PCGF5: variants seen among roughly 807,000 people sequenced by gnomAD.
PCGF5 encodes the protein polycomb group RING finger protein 5.
PCGF5 carries 9 observed loss-of-function variants against 44.3 expected under a neutral mutation model. The ratio of observed to expected loss-of-function variants is 0.20; its 90% CI spans 0.12 to 0.35. The LOEUF (loss-of-function observed/expected upper bound fraction) is 0.35, where lower values mean the gene tolerates loss of function less well. PCGF5 is among the 10% of genes least tolerant of loss of function. The pLI, the probability that PCGF5 is intolerant of heterozygous loss-of-function variation, is 1.00. For missense variants in PCGF5, 146 were observed against 305.3 expected (o/e 0.48, Z 3.89); for synonymous variants, 95 against 102.5 (o/e 0.93, Z 0.44).
chr10:91,280,380 T>C lies in PCGF5; in HGVS notation c.*2064T>C, dbSNP rs935571073. ...ACTTAATGGTCATAAATGAATTTTA[T>C]CTACAAAATCTCTTTAAATTTGGCT... is the stretch of plus-strand genomic sequence containing the variant. On this transcript the variant is annotated 3_prime_UTR_variant, in exon 10 of 10. Coordinates refer to ENST00000336126, the MANE Select transcript of PCGF5 (RefSeq NM_032373.5). 3 of 152,296 alleles carry C rather than the reference T, an allele frequency of 2.0e-5. No individual in the cohort carries two copies. Among genetic ancestry groups the C allele is most frequent in the Non-Finnish European group, 4.4e-5 (3 of 67,914 alleles). 9.4% of individuals were successfully genotyped at this position (152,296 alleles called of 1,614,324 possible).
chr10:91,158,648 C>T (rs542051382), upstream of PCGF5, among the ~76,000 whole-genome samples: 4 of 151,996 alleles, frequency 2.6e-5, no homozygotes, highest in Non-Finnish European at 5.9e-5. Flanking sequence ...GTGGGACCAG[C>T]GACTAGGTAA....
intron 1 of PCGF5, among the ~76,000 whole-genome samples, chr10:91,178,755 G>T (rs528188902): frequency 2.4e-4 from 32 of 131,120 alleles, no homozygotes; most frequent in Non-Finnish European, 4.4e-4. Flanking sequence ...GGGTTACTTT[G>T]ATTAAAAATA....
upstream of PCGF5, among the ~76,000 whole-genome samples, chr10:91,217,960 T>C (rs1844576267): frequency 6.6e-6 from 1 of 152,184 alleles, no homozygotes; most frequent in African/African-American, 2.4e-5. Flanking sequence ...CTAATTTTGG[T>C]ATTTTTAGTA....
At chr10:91,156,723 C>T in the PCGF5 span, among the ~76,000 whole-genome samples, 1 of 152,162 alleles carries the variant, frequency 6.6e-6, no homozygotes, top group Admixed American at 6.5e-5. Flanking sequence ...GAACCCCTAA[C>T]CATCCTTCCT....
At chr10:91,191,411 A>G (rs1271430375) in intron 1 of PCGF5, among the ~76,000 whole-genome samples, 1 of 152,218 alleles carries the variant, frequency 6.6e-6, no homozygotes, top group Non-Finnish European at 1.5e-5. Context: ...CACATGAGAT[A>G]TCATCACACT....
chr10:91,250,715 A>C (rs189193393), intron 5 of PCGF5, among the ~76,000 whole-genome samples: 1 of 151,918 alleles, frequency 6.6e-6, no homozygotes, highest in Non-Finnish European at 1.5e-5. Context: ...ATATAATATA[A>C]AGTATGCCAT....
At chr10:91,162,858 G>A (rs1650323783), upstream of PCGF5, among the ~76,000 whole-genome samples, 1 of 147,064 alleles carries the variant, frequency 6.8e-6, no homozygotes, top group Non-Finnish European at 1.5e-5. Flanking sequence ...CGGCGCGCTC[G>A]CCCCGCGCCC....
chr10:91,226,651 T>A (rs1844848628), intron 2 of PCGF5, among the ~76,000 whole-genome samples: 1 of 152,162 alleles, frequency 6.6e-6, no homozygotes, highest in African/African-American at 2.4e-5. Flanking sequence ...AGAGAAATTC[T>A]GGATCCAGCA....
At chr10:91,183,602 G>T (rs991144443) in intron 1 of PCGF5, among the ~76,000 whole-genome samples, 1 of 152,258 alleles carries the variant, frequency 6.6e-6, no homozygotes, top group African/African-American at 2.4e-5. Context: ...ATCTGATCCT[G>T]TCATCATGAT....
chr10:91,163,707 G>A (rs1034006727), intron 1 of PCGF5, among the ~76,000 whole-genome samples: 1 of 152,092 alleles, frequency 6.6e-6, no homozygotes, highest in Non-Finnish European at 1.5e-5. Flanking sequence ...AGGGGCGAGC[G>A]AGAGGCGCGT....
At chr10:91,230,518 A>C (rs1009690473) in intron 2 of PCGF5, among the ~76,000 whole-genome samples, 18 of 152,218 alleles carry the variant, frequency 1.2e-4, no homozygotes, top group Admixed American at 7.2e-4. Context: ...ATATGTATTC[A>C]TATATACATA....
In PCGF5 at chr10:91,282,847, T is replaced by C. The variant is rs933468798; in HGVS notation, c.*4531T>C. 2.0e-5 allele frequency: 3 copies of C among 152,670 alleles called. No individual in the cohort carries two copies. Among genetic ancestry groups the C allele is most frequent in the Non-Finnish European group, 2.9e-5 (2 of 68,050 alleles). 9.5% of individuals were successfully genotyped at this position (152,670 alleles called of 1,614,324 possible). ...ACTTCAAAAATGAATGAGTTTGCCATAACTTTAATTTTCTGGATTAGAAAC... is the reference window on the plus strand; with the variant it reads ...ACTTCAAAAATGAATGAGTTTGCCACAACTTTAATTTTCTGGATTAGAAAC... On this transcript the variant is annotated 3_prime_UTR_variant, in exon 10 of 10. Transcript: ENST00000336126.
intron 3 of PCGF5, among the ~76,000 whole-genome samples, chr10:91,243,166 T>G (rs1284071241): frequency 6.6e-6 from 1 of 152,174 alleles, no homozygotes; most frequent in African/African-American, 2.4e-5. Context: ...TGAGCGGACC[T>G]CAGAGGCCTG....
At position 91,264,463 on chromosome 10, in the gene PCGF5, G is replaced by A. The variant is rs1032786767; in HGVS notation, c.606G>A (p.Gly202=). Residue 202 remains glycine (G), a synonymous_variant, in exon 8 of 10, where the codon GGG becomes GGA. Transcript: ENST00000336126. ...TGCTGTGCAATGGTGAAATTATGGG[G>A]AAGGATCATACTATGGAATTCATCT... ...LDVLCNGEIM[G]KDHTMEFIYM... 1 of 1,611,426 alleles carries A rather than the reference G, an allele frequency of 6.2e-7. No homozygotes were observed. The highest frequency in any genetic ancestry group is 8.5e-7 in the Non-Finnish European group (1 of 1,179,060).
At chr10:91,183,620 G>C (rs1450087083) in intron 1 of PCGF5, among the ~76,000 whole-genome samples, 1 of 152,094 alleles carries the variant, frequency 6.6e-6, no homozygotes, top group Non-Finnish European at 1.5e-5. Flanking sequence ...GATGTTAGCT[G>C]ATTATTTTGC....
At chr10:91,238,613 T>TCTTTCTTTC (rs1564645035) in intron 2 of PCGF5, among the ~76,000 whole-genome samples, 2 of 110,382 alleles carry the variant, frequency 1.8e-5, no homozygotes, top group African/African-American at 9.0e-5. Context: ...TTTTTTTTTT[T>TCTTTCTTTC]TTTTTTTTTT....
chr10:91,184,981 C>T (rs1843892346), intron 1 of PCGF5, among the ~76,000 whole-genome samples: 1 of 152,128 alleles, frequency 6.6e-6, no homozygotes. Context: ...CTCACCCAGT[C>T]AGGAGGAACA....
At chr10:91,250,021 C>T (rs926954132) in intron 5 of PCGF5, among the ~76,000 whole-genome samples, 3 of 152,056 alleles carry the variant, frequency 2.0e-5, no homozygotes, top group Non-Finnish European at 4.4e-5. Flanking sequence ...TATGGTTCTA[C>T]GTATCACAGT....
chr10:91,247,815 G>A (rs750586227), intron 3 of PCGF5, among the ~76,000 whole-genome samples: 3 of 152,146 alleles, frequency 2.0e-5, no homozygotes, highest in Non-Finnish European at 2.9e-5. Context: ...TTGAGAATGG[G>A]CATATCAGCT....
Sources: gnomAD v4.1 joint callset for allele counts (sites outside exome capture counted in the v4.1 genomes callset) on GRCh38, gnomAD v4.1.1 for gene constraint, MANE v1.5 for transcripts, NCBI Gene and HGNC (gene_info 2026-07-23, HGNC 2026-07-21) for gene names.